The following CEP192 variants were observed in gnomAD, a reference collection of about 807,000 sequenced individuals.
CEP192 encodes centrosomal protein 192, also known as centrosomal protein of 192 kDa.
A neutral mutation model predicts 271.8 loss-of-function variants in CEP192; 151 were observed. The observed-to-expected ratio is 0.56, with a 90% CI of 0.49 to 0.64. CEP192 has a LOEUF of 0.64. Among genes scored for constraint, CEP192 ranks in the 30% least tolerant of loss-of-function variants. The pLI is 0.00. For missense variants in CEP192, 2,910 were observed against 3,020.5 expected, an observed-to-expected ratio of 0.96 and a Z score of 0.86; for synonymous variants, 995 against 1,076.5, an observed-to-expected ratio of 0.92 and a Z score of 1.48.
chr18:13,071,236 C>T (rs780042255), intron 28 of CEP192, 24 bp downstream of exon 28: 8 of 1,590,504 alleles, frequency 5.0e-6, no homozygotes, highest in Middle Eastern at 3.3e-4. Context: ...ACTGACAAAT[C>T]GTCCACTATT....
chr18:13,120,855 C>T (rs977556899), intron 44 of CEP192, among the ~76,000 whole-genome samples: 6 of 152,164 alleles, frequency 3.9e-5, no homozygotes, highest in Non-Finnish European at 8.8e-5. Flanking sequence ...GTGTATAAAG[C>T]ACTAATTCTG....
At chr18:13,028,986 T>C (rs1346636202) in intron 9 of CEP192, among the ~76,000 whole-genome samples, 1 of 152,252 alleles carries the variant, frequency 6.6e-6, no homozygotes, top group Non-Finnish European at 1.5e-5. Flanking sequence ...GTTGTTCTTA[T>C]TGCTTGTCTT....
intron 44 of CEP192, among the ~76,000 whole-genome samples, chr18:13,121,252 C>G (rs528361457): frequency 3.7e-4 from 56 of 152,324 alleles, no homozygotes; most frequent in African/African-American, 1.3e-3. Context: ...TGTTAGATCA[C>G]TGTGTGCTCT....
rs1392855470 is a variant in CEP192 at position 13,069,864 on chromosome 18, A to G, written c.5174+8A>G. 1.3e-6 allele frequency: 2 copies of G among 1,507,904 alleles called. No individual in the cohort carries two copies. The highest frequency in any genetic ancestry group is 3.3e-5 in the Admixed American group (2 of 59,758). The allele number at this position is 1,507,904 out of a possible 1,614,324, so 93.4% of individuals were successfully genotyped here. ...TGAAGCCTGCGAGGAAAGGTAATAT[A>G]AAAATGTTATAATGGACCGGGCACA... On this transcript the variant is annotated splice_region_variant and intron_variant, in intron 27 of 44. Transcript: ENST00000506447.
rs568340889 is a variant in CEP192, at chr18:13,072,881, G to C, written c.5439+36G>C. The C allele has an allele frequency of 1.3e-4, 197 of 1,556,368 alleles. 4 individuals carry two copies. In the South Asian group the frequency reaches 2.1e-3, roughly 17 times the overall value. On this transcript the variant is annotated intron_variant, in intron 29 of 44. Coordinates refer to ENST00000506447, the MANE Select transcript of CEP192 (RefSeq NM_032142.4). ...TACGTGGATTCTTGTTATGTCTTCT[G>C]TCTGGGTCTGGAACACTTGCATATG...
chr18:13,080,428 GCTCT>G (rs1195290623), intron 30 of CEP192, among the ~76,000 whole-genome samples: 1 of 151,990 alleles, frequency 6.6e-6, no homozygotes, highest in Admixed American at 6.6e-5. Flanking sequence ...TCATGATTTG[GCTCT>G]CTGTTTGTCT....
In CEP192 at chr18:13,071,150, T is replaced by C. The variant is rs760907522; in HGVS notation, c.5286T>C (p.Ile1762=). The change falls in exon 28 of 45, where the codon ATT becomes ATC. Residue 1762 remains isoleucine, a synonymous_variant. Coordinates refer to ENST00000506447, the MANE Select transcript of CEP192 (RefSeq NM_032142.4). ...TGTCACCTGGACCTTGCTTAGATAT[T>C]CCATCGATTTTGTCCAACAAACAAT... ...KPLSPGPCLD[I]PSILSNKQFL... is the part of the protein sequence containing the mutation. The C allele has an allele frequency of 3.1e-6, 5 of 1,614,096 alleles. No individual in the cohort carries two copies. In the African/African-American group the frequency reaches 5.3e-5, roughly 17 times the overall value.
At chr18:13,022,592 A>G (rs2035055613) in intron 9 of CEP192, among the ~76,000 whole-genome samples, 1 of 151,664 alleles carries the variant, frequency 6.6e-6, no homozygotes, top group Non-Finnish European at 1.5e-5. Context: ...TGTTGGCCAG[A>G]CTGGTCTCAA....
intron 11 of CEP192, 112 bp downstream of exon 11, chr18:13,030,720 A>C (rs1314464631): frequency 1.3e-6 from 1 of 793,936 alleles, no homozygotes; most frequent in African/African-American, 1.7e-5. Context: ...CTATCACTGT[A>C]TTCTGGAAGC....
chr18:13,008,920 C>T (rs2034155078), intron 4 of CEP192, among the ~76,000 whole-genome samples: 1 of 151,574 alleles, frequency 6.6e-6, no homozygotes, highest in South Asian at 2.1e-4. Flanking sequence ...GTTGCCCAGG[C>T]TGGGCTCGAA....
chr18:13,100,971 C>T (rs970852809), intron 38 of CEP192, among the ~76,000 whole-genome samples: 1 of 152,186 alleles, frequency 6.6e-6, no homozygotes, highest in Admixed American at 6.5e-5. Flanking sequence ...TTTAGTAATT[C>T]CTGTATGGGC....
At position 13,008,607 on chromosome 18, in the gene CEP192, G is replaced by C; in HGVS notation, c.442G>C (p.Ala148Pro). The change falls in exon 4 of 45, where the codon GCT (alanine) becomes CCT (proline). Residue 148 changes from alanine to proline, a missense_variant. Coordinates refer to ENST00000506447, the MANE Select transcript of CEP192 (RefSeq NM_032142.4). ...GCAGGGCCAAGATCTCTTCAACAGGGCTTCACCACTGGAACAAGCACAAGG... is the reference window on the plus strand; with the variant it reads ...GCAGGGCCAAGATCTCTTCAACAGGCCTTCACCACTGGAACAAGCACAAGG... ...SLQGQDLFNR[A>P]SPLEQAQDSP... The C allele has an allele frequency of 6.4e-7, 1 of 1,550,604 alleles. No homozygotes were observed. The highest frequency in any genetic ancestry group is 8.7e-7 in the Non-Finnish European group (1 of 1,146,640).
intron 1 of CEP192, among the ~76,000 whole-genome samples, chr18:12,995,154 C>T (rs1244248491): frequency 8.7e-5 from 13 of 149,292 alleles, no homozygotes; most frequent in Non-Finnish European, 1.3e-4. Context: ...CTCTGCCTCC[C>T]GGATTCACGC....
intron 39 of CEP192, among the ~76,000 whole-genome samples, chr18:13,104,180 A>T (rs1313611554): frequency 1.3e-5 from 2 of 152,214 alleles, no homozygotes; most frequent in African/African-American, 4.8e-5. Flanking sequence ...TTTGAGAAAT[A>T]TGTAAAAATT....
intron 1 of CEP192, among the ~76,000 whole-genome samples, chr18:12,995,683 C>A (rs1158316190): frequency 1.3e-5 from 2 of 152,050 alleles, no homozygotes; most frequent in African/African-American, 4.8e-5. Flanking sequence ...AGGTGGTGGT[C>A]AGTACTATAG....
At chr18:13,106,013 C>T (rs949321524) in intron 40 of CEP192, among the ~76,000 whole-genome samples, 2 of 152,142 alleles carry the variant, frequency 1.3e-5, no homozygotes, top group Admixed American at 6.5e-5. Context: ...TAATGCTGTT[C>T]CTATCAAACT....
At chr18:13,087,897 C>T (rs920338392) in intron 32 of CEP192, among the ~76,000 whole-genome samples, 1 of 152,138 alleles carries the variant, frequency 6.6e-6, no homozygotes, top group Non-Finnish European at 1.5e-5. Context: ...GCCACTCTTC[C>T]CTTACTCAGT....
chr18:12,991,685 C>T (rs1276962542), intron 1 of CEP192, among the ~76,000 whole-genome samples: 1 of 152,262 alleles, frequency 6.6e-6, no homozygotes, highest in African/African-American at 2.4e-5. Context: ...TGTCATCGGG[C>T]TTTGGCCGGG....
intron 40 of CEP192, among the ~76,000 whole-genome samples, chr18:13,107,329 C>G (rs1398273230): frequency 1.3e-5 from 2 of 152,086 alleles, no homozygotes; most frequent in Non-Finnish European, 2.9e-5. Context: ...GACCTTGTCT[C>G]AAAAAAATTT....
Sources: allele counts gnomAD v4.1 joint callset (sites outside exome capture counted in the v4.1 genomes callset), GRCh38; gene constraint gnomAD v4.1.1; transcripts MANE v1.5; gene names NCBI Gene and HGNC (gene_info 2026-07-23, HGNC 2026-07-21).